RBFOX1: variants seen among roughly 807,000 people sequenced by gnomAD.
RBFOX1 encodes the protein RNA binding protein fox-1 homolog 1.
In RBFOX1, 8 loss-of-function variants were observed where a neutral mutation model predicts 57.7. The ratio of observed to expected loss-of-function variants is 0.14; its 90% CI spans 0.08 to 0.25. The LOEUF (loss-of-function observed/expected upper bound fraction) is 0.25, where lower values mean the gene tolerates loss of function less well. RBFOX1 is among the 10% of genes least tolerant of loss of function. RBFOX1 has a pLI of 1.00. For synonymous variants in RBFOX1, 326 were observed against 222.4 expected, an observed-to-expected ratio of 1.47 and a Z score of -4.15; for missense variants, 611 against 548.5, an observed-to-expected ratio of 1.11 and a Z score of -1.14.
intron 3 of RBFOX1, among the ~76,000 whole-genome samples, chr16:5,618,351 T>C (rs182631114): frequency 3.9e-5 from 6 of 152,140 alleles, no homozygotes; most frequent in African/African-American, 1.4e-4. Flanking sequence ...TGTGTGTGTG[T>C]GTGTGTGACA....
At chr16:6,820,658 C>A (rs912276261) in intron 3 of RBFOX1, among the ~76,000 whole-genome samples, 1 of 138,500 alleles carries the variant, frequency 7.2e-6, no homozygotes, top group Non-Finnish European at 1.6e-5. Flanking sequence ...GACCCTGTCT[C>A]CAAAAAAAAA....
intron 4 of RBFOX1, among the ~76,000 whole-genome samples, chr16:7,299,495 A>G (rs1208707406): frequency 6.6e-6 from 1 of 152,214 alleles, no homozygotes; most frequent in Non-Finnish European, 1.5e-5. Flanking sequence ...CGATCCTGTC[A>G]TTACATGCAA....
chr16:5,352,919 G>A (rs553232233), intron 1 of RBFOX1, among the ~76,000 whole-genome samples: 24 of 152,230 alleles, frequency 1.6e-4, no homozygotes, highest in African/African-American at 4.3e-4. Flanking sequence ...CTCCAGCCTG[G>A]GTGATGGAAT....
intron 2 of RBFOX1, among the ~76,000 whole-genome samples, chr16:5,584,010 C>A (rs2046755421): frequency 6.6e-6 from 1 of 152,168 alleles, no homozygotes; most frequent in Non-Finnish European, 1.5e-5. Context: ...TGGGTCACAT[C>A]CCTCTAATCA....
intron 4 of RBFOX1, among the ~76,000 whole-genome samples, chr16:7,389,064 T>C (rs562713607): frequency 1.3e-5 from 2 of 152,304 alleles, no homozygotes; most frequent in East Asian, 1.9e-4. Context: ...ATATGTAATA[T>C]GTTCAGTGCA....
intron 4 of RBFOX1, among the ~76,000 whole-genome samples, chr16:7,138,274 A>G (rs2072614060): frequency 6.6e-6 from 1 of 152,176 alleles, no homozygotes; most frequent in Admixed American, 6.5e-5. Context: ...ATAAAGGGAG[A>G]AAAATAAGAG....
At chr16:6,707,873 A>C (rs768273010) in intron 3 of RBFOX1, among the ~76,000 whole-genome samples, 32 of 152,286 alleles carry the variant, frequency 2.1e-4, no homozygotes, top group Middle Eastern at 3.4e-3. Flanking sequence ...TAAGCTTGTA[A>C]CTCTTGGATG....
At position 5,419,359 on chromosome 16, in the gene RBFOX1, C is replaced by T. The variant is rs140260525; in HGVS notation, c.220-47857C>T. On this transcript the variant is annotated intron_variant, in intron 1 of 2. Transcript: ENST00000585867. ...GTTCAAGGGCAGGAAGCATCCAGCA[C>T]GAGAGAAAGATGTGGGCTGGGGGAG... Among the ~76,000 whole-genome samples the T allele has an allele frequency of 1.7e-4, 26 of 152,140 alleles. No individual in the cohort carries two copies. The East Asian group carries it at 2.5e-3, about 15-fold the overall frequency.
chr16:7,323,361 C>A (rs1326068604), intron 4 of RBFOX1, among the ~76,000 whole-genome samples: 1 of 152,276 alleles, frequency 6.6e-6, no homozygotes, highest in South Asian at 2.1e-4. Flanking sequence ...GAGTCGGAGG[C>A]TGCAGTGAGC....
chr16:7,412,925 C>A (rs1376469541), intron 4 of RBFOX1, among the ~76,000 whole-genome samples: 1 of 152,056 alleles, frequency 6.6e-6, no homozygotes, highest in Admixed American at 6.5e-5. Context: ...GCCTGCAGTC[C>A]CAGCTACTCG....
At chr16:5,769,974 T>A (rs564449531) in intron 3 of RBFOX1, among the ~76,000 whole-genome samples, 1 of 152,322 alleles carries the variant, frequency 6.6e-6, no homozygotes, top group South Asian at 2.1e-4. Context: ...TAGAGACTTG[T>A]ACTCCTCTGG....
intron 3 of RBFOX1, among the ~76,000 whole-genome samples, chr16:6,682,245 C>T (rs886912784): frequency 3.3e-5 from 5 of 152,100 alleles, no homozygotes; most frequent in Non-Finnish European, 5.9e-5. Context: ...GCTTTCAGCT[C>T]CCACTCTCAG....
At chr16:6,205,617 G>A (rs952702504) in intron 1 of RBFOX1, among the ~76,000 whole-genome samples, 1 of 152,068 alleles carries the variant, frequency 6.6e-6, no homozygotes, top group African/African-American at 2.4e-5. Flanking sequence ...ATCTGGCATT[G>A]ACGGTAAAGG....
intron 1 of RBFOX1, among the ~76,000 whole-genome samples, chr16:5,443,057 C>T (rs760174979): frequency 3.9e-5 from 6 of 152,156 alleles, no homozygotes; most frequent in Non-Finnish European, 7.4e-5. Context: ...AGGCAAGGAA[C>T]AGTCCTCCTC....
intron 4 of RBFOX1, among the ~76,000 whole-genome samples, chr16:7,161,989 A>G (rs1489107498): frequency 1.3e-5 from 2 of 152,206 alleles, no homozygotes; most frequent in Non-Finnish European, 2.9e-5. Flanking sequence ...TTGTTCCCAG[A>G]ACACAGCCAG....
intron 4 of RBFOX1, among the ~76,000 whole-genome samples, chr16:5,969,983 G>A (rs750413673): frequency 3.9e-5 from 6 of 152,082 alleles, no homozygotes; most frequent in East Asian, 3.9e-4. Flanking sequence ...CTGGGGATAC[G>A]TTGTGTTCAC....
At chr16:6,422,705 T>TTTTAAA (rs2093810334) in intron 2 of RBFOX1, among the ~76,000 whole-genome samples, 1 of 152,042 alleles carries the variant, frequency 6.6e-6, no homozygotes, top group African/African-American at 2.4e-5. Context: ...CAACCGGATC[T>TTTTAAA]CAGGGGAACT....
intron 3 of RBFOX1, among the ~76,000 whole-genome samples, chr16:5,802,640 G>T (rs188883156): frequency 5.3e-5 from 8 of 152,268 alleles, no homozygotes; most frequent in African/African-American, 1.9e-4. Flanking sequence ...CTAACTTAGA[G>T]CTAGACCCTG....
rs560472298 is a variant in RBFOX1, at chr16:5,339,470, G to GTTTTTTTTTTTTTTTTTTTTTTTT, written c.219+99372_219+99395dup. ...AAAAGCTAGAAGCTGCTTTTTCCGT[G>GTTTTTTTTTTTTTTTTTTTTTTTT]TTTTTTTTTTTTTTTTTTTTTTTTT... On this transcript the variant is annotated intron_variant, in intron 1 of 2. Coordinates refer to the RBFOX1 transcript ENST00000585867. Among the ~76,000 whole-genome samples, 92 of 40,886 alleles carry GTTTTTTTTTTTTTTTTTTTTTTTT rather than the reference G, an allele frequency of 2.3e-3. 37 individuals are homozygous for GTTTTTTTTTTTTTTTTTTTTTTTT. Among genetic ancestry groups the GTTTTTTTTTTTTTTTTTTTTTTTT allele is most frequent in the Non-Finnish European group, 3.2e-3 (70 of 22,200 alleles). The allele number at this position is 40,886 out of a possible 152,430, so 26.8% of individuals were successfully genotyped here.
Sources: allele counts gnomAD v4.1 joint callset (sites outside exome capture counted in the v4.1 genomes callset), GRCh38; gene constraint gnomAD v4.1.1; transcripts MANE v1.5; gene names NCBI Gene and HGNC (gene_info 2026-07-23, HGNC 2026-07-21).